SCAPER: variants seen among roughly 807,000 people sequenced by gnomAD.
SCAPER encodes S-phase cyclin A associated protein in the ER, also known as S phase cyclin A-associated protein in the endoplasmic reticulum.
In SCAPER, 98 loss-of-function variants were observed where a neutral mutation model predicts 182.2. The ratio of observed to expected loss-of-function variants is 0.54; its 90% CI spans 0.46 to 0.64. The LOEUF (loss-of-function observed/expected upper bound fraction) is 0.64, where lower values mean the gene tolerates loss of function less well. Among genes scored for constraint, SCAPER ranks in the 30% least tolerant of loss-of-function variants. The pLI is 0.00. For missense variants in SCAPER, 1,432 were observed against 1,690.0 expected, an observed-to-expected ratio of 0.85 and a Z score of 2.68; for synonymous variants, 605 against 564.6, an observed-to-expected ratio of 1.07 and a Z score of -1.01.
At chr15:76,852,235 A>G (rs1176808183) in intron 4 of SCAPER, among the ~76,000 whole-genome samples, 7 of 152,198 alleles carry the variant, frequency 4.6e-5, no homozygotes, top group South Asian at 4.1e-4. Context: ...CTCCCACACA[A>G]TAAGAGTGGA....
At chr15:76,669,487 A>G (rs1030869779) in intron 20 of SCAPER, among the ~76,000 whole-genome samples, 1 of 152,234 alleles carries the variant, frequency 6.6e-6, no homozygotes, top group African/African-American at 2.4e-5. Context: ...TATGGAACAA[A>G]GCAAGTCATA....
chr15:76,733,659 C>G (rs192502884), intron 15 of SCAPER, among the ~76,000 whole-genome samples: 1 of 152,014 alleles, frequency 6.6e-6, no homozygotes, highest in South Asian at 2.1e-4. Context: ...GAGGCAGAGG[C>G]AGGAGAATTG....
chr15:76,795,554 A>G (rs1383514083), intron 7 of SCAPER, 114 bp from the exon 8 acceptor site: 2 of 717,408 alleles, frequency 2.8e-6, no homozygotes, highest in African/African-American at 1.8e-5. Flanking sequence ...CATATATAGA[A>G]TAATAATCTG....
At chr15:76,528,905 G>T (rs2043408229) in intron 23 of SCAPER, among the ~76,000 whole-genome samples, 1 of 152,142 alleles carries the variant, frequency 6.6e-6, no homozygotes, top group South Asian at 2.1e-4. Flanking sequence ...ACTTTCTTCT[G>T]TGCTTCTCTG....
intron 21 of SCAPER, among the ~76,000 whole-genome samples, chr15:76,659,875 A>C (rs2055985182): frequency 6.6e-6 from 1 of 152,234 alleles, no homozygotes; most frequent in Non-Finnish European, 1.5e-5. Flanking sequence ...CATTTGACCC[A>C]GCAATTCCAT....
rs114663589 is a variant in SCAPER at position 76,762,873 on chromosome 15, T to G, written c.1725+2088A>C. On this transcript the variant is annotated intron_variant, in intron 14 of 31. Coordinates refer to ENST00000563290, the MANE Select transcript of SCAPER (RefSeq NM_020843.4). ...AGTCTTGCTATGTCGTCCAGGCTGG[T>G]GTGAGACACCTGGCCTCATGTGATC... Among the ~76,000 whole-genome samples the G allele has an allele frequency of 6.6e-3, 1,005 of 152,280 alleles. 13 individuals carry two copies. Among genetic ancestry groups the G allele is most frequent in the African/African-American group, 0.023 (959 of 41,546 alleles).
At chr15:76,856,883 TAATAA>T (rs1253826062) in intron 4 of SCAPER, among the ~76,000 whole-genome samples, 6 of 151,770 alleles carry the variant, frequency 4.0e-5, no homozygotes, top group Non-Finnish European at 7.4e-5. Flanking sequence ...TAAATTAAAT[TAATAA>T]AATAAAATAA....
intron 29 of SCAPER, among the ~76,000 whole-genome samples, chr15:76,363,664 C>G (rs1166401964): frequency 1.3e-5 from 2 of 152,194 alleles, no homozygotes; most frequent in African/African-American, 4.8e-5. Flanking sequence ...TTGTCAGAGA[C>G]AAGGTGTCCT....
chr15:76,465,113 T>C (rs62028427), intron 25 of SCAPER, among the ~76,000 whole-genome samples: 10,663 of 152,232 alleles, frequency 0.07, 409 homozygotes, highest in Middle Eastern at 0.11. Flanking sequence ...TAGTTCTTTA[T>C]ATATTTGGAT....
At chr15:76,739,854 C>T (rs1243191513) in intron 15 of SCAPER, among the ~76,000 whole-genome samples, 1 of 152,120 alleles carries the variant, frequency 6.6e-6, no homozygotes, top group Non-Finnish European at 1.5e-5. Context: ...TGGTACAGAA[C>T]AGATAGTGTA....
chr15:76,560,899 A>G (rs1473877924), intron 23 of SCAPER, among the ~76,000 whole-genome samples: 6 of 152,202 alleles, frequency 3.9e-5, no homozygotes, highest in Non-Finnish European at 8.8e-5. Flanking sequence ...TTAAGGAGAA[A>G]TGAGTTTTCT....
At chr15:76,410,897 T>A (rs2045241097) in intron 26 of SCAPER, among the ~76,000 whole-genome samples, 2 of 152,128 alleles carry the variant, frequency 1.3e-5, no homozygotes, top group South Asian at 4.1e-4. Flanking sequence ...GCTAATCACA[T>A]TTGTGATAAC....
At chr15:76,408,975 AC>A (rs2045073665) in intron 26 of SCAPER, among the ~76,000 whole-genome samples, 1 of 152,098 alleles carries the variant, frequency 6.6e-6, no homozygotes, top group African/African-American at 2.4e-5. Flanking sequence ...GCAAACTGAA[AC>A]AACCACTTGT....
intron 21 of SCAPER, among the ~76,000 whole-genome samples, chr15:76,624,498 C>T (rs1757625815): frequency 6.6e-6 from 1 of 152,170 alleles, no homozygotes; most frequent in Admixed American, 6.5e-5. Context: ...AGATTCAATG[C>T]TATTCCTATT....
At chr15:76,511,542 C>T (rs2042024487) in intron 23 of SCAPER, among the ~76,000 whole-genome samples, 1 of 152,172 alleles carries the variant, frequency 6.6e-6, no homozygotes, top group Non-Finnish European at 1.5e-5. Context: ...AATGATCCCT[C>T]TCCAATAGCC....
At chr15:76,764,003 A>G (rs148508436) in intron 14 of SCAPER, among the ~76,000 whole-genome samples, 1 of 151,996 alleles carries the variant, frequency 6.6e-6, no homozygotes, top group African/African-American at 2.4e-5. Context: ...TCTTGGTGGT[A>G]TCAAGTTTTC....
At chr15:76,673,062 T>C in intron 20 of SCAPER, among the ~76,000 whole-genome samples, 1 of 152,284 alleles carries the variant, frequency 6.6e-6, no homozygotes, top group Middle Eastern at 3.4e-3. Context: ...AAATAATGTA[T>C]TTAGCATTTT....
intron 2 of SCAPER, 87 bp from the exon 3 acceptor site, chr15:76,862,620 CAGAA>C: frequency 2.2e-6 from 2 of 894,832 alleles, no homozygotes; most frequent in Non-Finnish European, 3.2e-6. Context: ...ACATTTTTCT[CAGAA>C]AGAAAACACT....
chr15:76,697,929 C>A (rs189931302), intron 20 of SCAPER, among the ~76,000 whole-genome samples: 10 of 152,094 alleles, frequency 6.6e-5, no homozygotes, highest in Middle Eastern at 6.8e-3. Flanking sequence ...CGTGAGCCAC[C>A]GCGCCTGGCC....
Sources: allele counts gnomAD v4.1 joint callset (sites outside exome capture counted in the v4.1 genomes callset), GRCh38; gene constraint gnomAD v4.1.1; transcripts MANE v1.5; gene names NCBI Gene and HGNC (gene_info 2026-07-23, HGNC 2026-07-21).